Variants in KLHDC2 observed in about 807,000 individuals in gnomAD.
KLHDC2 encodes kelch domain-containing protein 2.
In KLHDC2, 38 loss-of-function variants were observed where a neutral mutation model predicts 62.3. The ratio of observed to expected loss-of-function variants is 0.61; its 90% CI spans 0.47 to 0.80. The LOEUF is 0.80. Among genes scored for constraint, KLHDC2 ranks in the 30% least tolerant of loss-of-function variants. The probability of loss-of-function intolerance (pLI) is 0.00; values close to 1 mark genes in which losing one functional copy is unlikely to be tolerated. For synonymous variants in KLHDC2, 159 were observed against 161.0 expected (o/e 0.99, Z 0.09); for missense variants, 430 against 495.3 (o/e 0.87, Z 1.25).
chr14:49,774,874 T>A, intron 3 of KLHDC2, 196 bp downstream of exon 3: 1 of 570,342 alleles, frequency 1.8e-6, no homozygotes, highest in African/African-American at 1.9e-5. Flanking sequence ...TAAAATCAAC[T>A]TTTGTTGGTA....
At chr14:49,779,496 C>A in intron 6 of KLHDC2, 99 bp from the exon 7 acceptor site, 1 of 826,688 alleles carries the variant, frequency 1.2e-6, no homozygotes, top group Non-Finnish European at 1.9e-6. Flanking sequence ...CTTTTAAAAG[C>A]TCAAGTGCCT....
intron 6 of KLHDC2, 64 bp from the exon 7 acceptor site, chr14:49,779,531 A>C: frequency 8.2e-7 from 1 of 1,221,196 alleles, no homozygotes; most frequent in Non-Finnish European, 1.2e-6. Context: ...CCATATCCAG[A>C]GTAGACATAG....
chr14:49,773,041 GT>G (rs1889695733), intron 2 of KLHDC2, among the ~76,000 whole-genome samples: 1 of 152,134 alleles, frequency 6.6e-6, no homozygotes, highest in South Asian at 2.1e-4. Flanking sequence ...ATATGAAGCT[GT>G]TTCTTAATCT....
Position 49,784,934 on chromosome 14 carries a change from G to A in KLHDC2, c.*1981G>A. ...TGAAGGAGAACTTTACCTTTACGCTGCGGAATAAGTCTTTTTCTCTTGCTG... is the reference window on the plus strand; with the variant it reads ...TGAAGGAGAACTTTACCTTTACGCTACGGAATAAGTCTTTTTCTCTTGCTG... On this transcript the variant is annotated 3_prime_UTR_variant, in exon 13 of 13. Coordinates refer to ENST00000298307, the MANE Select transcript of KLHDC2 (RefSeq NM_014315.3). The A allele has an allele frequency of 6.2e-7, 1 of 1,613,140 alleles. No homozygotes were observed. Among genetic ancestry groups the A allele is most frequent in the Non-Finnish European group, 8.5e-7 (1 of 1,179,340 alleles).
At chr14:49,780,055 A>G (rs1424739804) in intron 8 of KLHDC2, 158 bp from the exon 9 acceptor site, 1 of 626,610 alleles carries the variant, frequency 1.6e-6, no homozygotes, top group Non-Finnish European at 2.8e-6. Flanking sequence ...AACGTCAAAG[A>G]AAATATTTCA....
chr14:49,783,170 T>C lies in KLHDC2; in HGVS notation c.*217T>C, dbSNP rs1889993513. 5.5e-6 allele frequency: 2 copies of C among 364,250 alleles called. No homozygotes were observed. Among genetic ancestry groups the C allele is most frequent in the Non-Finnish European group, 9.7e-6 (2 of 205,814 alleles). The allele number at this position is 364,250 out of a possible 1,614,324, so 22.6% of individuals were successfully genotyped here. ...GTCCTCTATTAAAGTAAAGTAATGG[T>C]TGGGCTTTTTACCCTGAAGAATGGT... is the stretch of plus-strand genomic sequence containing the variant. On this transcript the variant is annotated 3_prime_UTR_variant, in exon 13 of 13. Transcript: ENST00000298307.
chr14:49,784,831 T>G lies in KLHDC2; in HGVS notation c.*1878T>G. 7.1e-7 allele frequency: 1 copy of G among 1,402,052 alleles called. No individual in the cohort carries two copies. The highest frequency in any genetic ancestry group is 1.8e-5 in the Admixed American group (1 of 55,016). 86.9% of individuals were successfully genotyped at this position (1,402,052 alleles called of 1,614,324 possible). A position where few individuals can be genotyped will look rare whatever the true frequency, so the allele number is the denominator to read the frequency against. On this transcript the variant is annotated 3_prime_UTR_variant, in exon 13 of 13. Coordinates refer to ENST00000298307, the MANE Select transcript of KLHDC2 (RefSeq NM_014315.3). ...GCTGAGATGGTTTTACTGCTTCTAA[T>G]AAGACAGCATTTTCTACTAAAATAA... is the stretch of plus-strand genomic sequence containing the variant.
intron 3 of KLHDC2, among the ~76,000 whole-genome samples, chr14:49,776,111 T>C (rs1889767183): frequency 6.6e-6 from 1 of 152,210 alleles, no homozygotes; most frequent in African/African-American, 2.4e-5. Flanking sequence ...GCTCCACTTT[T>C]GTTTGTATAC....
intron 3 of KLHDC2, 46 bp downstream of exon 3, chr14:49,774,724 T>C: frequency 3.4e-6 from 4 of 1,160,854 alleles, no homozygotes; most frequent in Non-Finnish European, 5.2e-6. Flanking sequence ...TTATTCTTAT[T>C]ATCTTTCAAA....
At chr14:49,778,867 A>T (rs1889827523) in intron 6 of KLHDC2, among the ~76,000 whole-genome samples, 1 of 151,628 alleles carries the variant, frequency 6.6e-6, no homozygotes, top group Non-Finnish European at 1.5e-5. Context: ...GGGATTACAG[A>T]TGCCCGCAAC....
At position 49,768,518 on chromosome 14, in the gene KLHDC2, C is replaced by T. The variant is rs1364334476; in HGVS notation, c.50C>T (p.Ala17Val). 1 of 1,611,062 alleles carries T rather than the reference C, an allele frequency of 6.2e-7. No individual in the cohort carries two copies. The highest frequency in any genetic ancestry group is 8.5e-7 in the Non-Finnish European group (1 of 1,178,974). The change falls in exon 1 of 13, where the codon GCC (alanine) becomes GTC (valine). Residue 17 changes from alanine to valine, a missense_variant. Coordinates refer to ENST00000298307, the MANE Select transcript of KLHDC2 (RefSeq NM_014315.3). ...CGGGCTGACGACTTGCCTGGGCCAGCCTTCGAGAGCTATGAGTCCATGGAG... is the reference window on the plus strand; with the variant it reads ...CGGGCTGACGACTTGCCTGGGCCAGTCTTCGAGAGCTATGAGTCCATGGAG... The part of the protein sequence containing the change: ...DLRADDLPGP[A>V]FESYESMELA...
chr14:49,773,413 CA>C (rs34740472), intron 2 of KLHDC2, among the ~76,000 whole-genome samples: 7 of 70,132 alleles, frequency 1.0e-4, no homozygotes, highest in African/African-American at 3.7e-4. Flanking sequence ...GACTCCATCT[CA>C]AAAAAAAAAA....
intron 6 of KLHDC2, 122 bp from the exon 7 acceptor site, chr14:49,779,473 T>G (rs1889841964): frequency 3.1e-6 from 2 of 649,336 alleles, no homozygotes; most frequent in Non-Finnish European, 5.3e-6. Context: ...TGTCTAGAAG[T>G]CTACACTCCC....
intron 3 of KLHDC2, among the ~76,000 whole-genome samples, chr14:49,777,338 TCAC>T (rs1380909768): frequency 6.6e-6 from 1 of 151,884 alleles, no homozygotes; most frequent in Non-Finnish European, 1.5e-5. Context: ...ATCTCAGAAA[TCAC>T]CACAAAAGAA....
chr14:49,769,316 T>TA (rs1889611652), intron 1 of KLHDC2, among the ~76,000 whole-genome samples: 1 of 152,214 alleles, frequency 6.6e-6, no homozygotes, highest in Non-Finnish European at 1.5e-5. Context: ...AGTTAGCAGT[T>TA]TAAAGCCAGT....
chr14:49,784,591 G>T lies in KLHDC2; in HGVS notation c.*1638G>T. On this transcript the variant is annotated 3_prime_UTR_variant, in exon 13 of 13. Transcript: ENST00000298307. ...GCTTTCATCTTTGAACTTCCAAAAGGCTATAAAATTGGCTCTTCTCAAATA... is the reference window on the plus strand; with the variant it reads ...GCTTTCATCTTTGAACTTCCAAAAGTCTATAAAATTGGCTCTTCTCAAATA... 7.5e-7 allele frequency: 1 copy of T among 1,331,750 alleles called. No individual in the cohort carries two copies. Among genetic ancestry groups the T allele is most frequent in the South Asian group, 1.2e-5 (1 of 81,054 alleles). The allele number at this position is 1,331,750 out of a possible 1,614,324, so 82.5% of individuals were successfully genotyped here. A position where few individuals can be genotyped will look rare whatever the true frequency, so the allele number is the denominator to read the frequency against.
In KLHDC2 at chr14:49,782,409, A is replaced by C; in HGVS notation, c.996A>C (p.Val332=). 1 of 1,612,668 alleles carries C rather than the reference A, an allele frequency of 6.2e-7. No homozygotes were observed. Among genetic ancestry groups the C allele is most frequent in the Non-Finnish European group, 8.5e-7 (1 of 1,178,754 alleles). The stretch of plus-strand genomic sequence containing the variant: ...CTTGTGCCAGCGATGAAGGAGAAGT[A>C]ATTGTTTTTGGTGGATGTGCCAACA... ...HTACASDEGE[V]IVFGGCANNL... Residue 332 remains valine (V), a synonymous_variant, in exon 11 of 13, where the codon GTA becomes GTC. Transcript: ENST00000298307.
chr14:49,778,441 C>T lies in KLHDC2; in HGVS notation c.580C>T (p.His194Tyr), dbSNP rs770790600. 6.3e-7 allele frequency: 1 copy of T among 1,587,810 alleles called. No individual in the cohort carries two copies. The highest frequency in any genetic ancestry group is 8.6e-7 in the Non-Finnish European group (1 of 1,158,688). ...AAGTCATCCAAGAGGATGGAATGAT[C>T]ATGTACATATTTTAGATACTGAAAC... is the stretch of plus-strand genomic sequence containing the variant. ...NSSHPRGWNDHVHILDTETFT... is the reference protein window; with the variant it reads ...NSSHPRGWNDYVHILDTETFT... Residue 194 changes from histidine (H) to tyrosine (Y), a missense_variant, in exon 6 of 13, where the codon CAT becomes TAT. By Grantham distance (83) the His-to-Tyr change is moderately conservative (BLOSUM62 2). Transcript: ENST00000298307.
At chr14:49,781,415 G>T (rs1266038149) in intron 10 of KLHDC2, among the ~76,000 whole-genome samples, 2 of 148,174 alleles carry the variant, frequency 1.3e-5, no homozygotes, top group East Asian at 4.0e-4. Context: ...TGGGTAAAAT[G>T]TTTAAACCTT....
Sources: allele counts gnomAD v4.1 joint callset (sites outside exome capture counted in the v4.1 genomes callset), GRCh38; gene constraint gnomAD v4.1.1; transcripts MANE v1.5; gene names NCBI Gene and HGNC (gene_info 2026-07-23, HGNC 2026-07-21).